Variants in WWOX observed in about 807,000 individuals in gnomAD.
The protein encoded by WWOX is WW domain-containing oxidoreductase.
In WWOX, 69 loss-of-function variants were observed where a neutral mutation model predicts 46.2. That is an observed-to-expected ratio of 1.49 (90% CI 1.23 to 1.82). The LOEUF (loss-of-function observed/expected upper bound fraction) is 1.82. WWOX is among the 40% of genes most tolerant of loss of function. The pLI is 0.00. For missense variants in WWOX, 919 were observed against 542.6 expected (o/e 1.69, Z -6.89); for synonymous variants, 359 against 202.6 (o/e 1.77, Z -6.56).
chr16:78,455,153 A>G (rs1013917246), intron 8 of WWOX, among the ~76,000 whole-genome samples: 12 of 152,178 alleles, frequency 7.9e-5, no homozygotes, highest in Admixed American at 7.2e-4. Context: ...GAGGAGTCAG[A>G]TAAAGTTGCA....
chr16:78,955,669 G>C (rs1016015144), intron 8 of WWOX, among the ~76,000 whole-genome samples: 3 of 139,838 alleles, frequency 2.1e-5, no homozygotes, highest in Admixed American at 1.4e-4. Flanking sequence ...TTTTTGTTTT[G>C]AGACAGGGTC....
intron 6 of WWOX, among the ~76,000 whole-genome samples, chr16:78,396,850 G>C (rs566494954): frequency 6.6e-6 from 1 of 152,276 alleles, no homozygotes; most frequent in Non-Finnish European, 1.5e-5. Flanking sequence ...AAATAACTGG[G>C]TGTGGCTGTG....
chr16:79,114,178 G>A (rs1938804591), intron 8 of WWOX, among the ~76,000 whole-genome samples: 1 of 151,964 alleles, frequency 6.6e-6, no homozygotes, highest in Admixed American at 6.5e-5. Flanking sequence ...ATCTATTATG[G>A]GTTGAATTGC....
intron 8 of WWOX, chr16:78,890,742 C>T (rs548581294): frequency 6.6e-5 from 10 of 152,224 alleles, no homozygotes; most frequent in Non-Finnish European, 1.3e-4. Context: ...CTTCCTCATT[C>T]ACTTTCTGTT....
intron 5 of WWOX, among the ~76,000 whole-genome samples, chr16:78,256,551 C>T (rs1231821463): frequency 6.6e-6 from 1 of 151,818 alleles, no homozygotes; most frequent in East Asian, 2.0e-4. Flanking sequence ...ATGACCCTCT[C>T]CTGGCCTCAA....
intron 8 of WWOX, among the ~76,000 whole-genome samples, chr16:78,703,752 C>T (rs2048275252): frequency 6.6e-6 from 1 of 151,708 alleles, no homozygotes; most frequent in South Asian, 2.1e-4. Context: ...AAATGTGTTT[C>T]CAACTACCTC....
intron 8 of WWOX, among the ~76,000 whole-genome samples, chr16:78,605,745 C>T (rs1212378433): frequency 6.6e-6 from 1 of 152,126 alleles, no homozygotes; most frequent in African/African-American, 2.4e-5. Context: ...GTTATCTTTG[C>T]CCTTCATGGA....
intron 8 of WWOX, among the ~76,000 whole-genome samples, chr16:79,128,842 A>G (rs756485323): frequency 6.6e-6 from 1 of 152,276 alleles, no homozygotes; most frequent in Non-Finnish European, 1.5e-5. Flanking sequence ...AACACTCTGC[A>G]GAGTATGAAG....
intron 5 of WWOX, among the ~76,000 whole-genome samples, chr16:78,346,588 G>C (rs1295692326): frequency 8.3e-6 from 1 of 119,902 alleles, no homozygotes; most frequent in South Asian, 2.5e-4. Context: ...TAAATTTTCT[G>C]TTTGGGTACA....
chr16:78,682,533 C>T (rs559699518), intron 8 of WWOX, among the ~76,000 whole-genome samples: 5 of 152,036 alleles, frequency 3.3e-5, no homozygotes, highest in African/African-American at 9.7e-5. Flanking sequence ...CAACGACTTA[C>T]GATCATGCCA....
chr16:78,224,272 G>A (rs766813413), intron 5 of WWOX, among the ~76,000 whole-genome samples: 13 of 151,976 alleles, frequency 8.6e-5, no homozygotes, highest in Non-Finnish European at 1.8e-4. Flanking sequence ...CAAAGTGCTG[G>A]GATTACAGGT....
chr16:78,730,813 T>C (rs1446589101), intron 8 of WWOX, among the ~76,000 whole-genome samples: 5 of 151,998 alleles, frequency 3.3e-5, no homozygotes, highest in African/African-American at 1.2e-4. Flanking sequence ...CTCTTGTGGC[T>C]TATCACTTGG....
At chr16:78,355,550 C>G (rs866071583) in intron 5 of WWOX, 5 of 420,044 alleles carry the variant, frequency 1.2e-5, no homozygotes, top group African/African-American at 8.6e-5. Context: ...CGTAGACCAG[C>G]AGCAAACTAC....
At chr16:78,285,534 G>A (rs1485781857) in intron 5 of WWOX, among the ~76,000 whole-genome samples, 1 of 152,188 alleles carries the variant, frequency 6.6e-6, no homozygotes, top group Non-Finnish European at 1.5e-5. Context: ...GGATGGCTCA[G>A]CACCAGAACG....
chr16:78,590,979 C>T (rs1343243023), intron 8 of WWOX, among the ~76,000 whole-genome samples: 2 of 152,090 alleles, frequency 1.3e-5, no homozygotes, highest in African/African-American at 4.8e-5. Context: ...GGTTGAGATG[C>T]TCTGGGGTAC....
At chr16:78,633,581 A>T (rs1171795653) in intron 8 of WWOX, among the ~76,000 whole-genome samples, 1 of 152,232 alleles carries the variant, frequency 6.6e-6, no homozygotes. Flanking sequence ...GTACGCTGGC[A>T]GGCCTCTGGC....
intron 8 of WWOX, among the ~76,000 whole-genome samples, chr16:79,010,361 G>T (rs933083745): frequency 1.3e-5 from 2 of 152,090 alleles, no homozygotes; most frequent in African/African-American, 4.8e-5. Context: ...TAACTCAGTG[G>T]CAGCTTCAGA....
chr16:78,458,945 A>T (rs1440677022), intron 8 of WWOX, among the ~76,000 whole-genome samples: 2 of 152,218 alleles, frequency 1.3e-5, no homozygotes, highest in Non-Finnish European at 2.9e-5. Flanking sequence ...GTGTCACCTC[A>T]GCATTTAATT....
chr16:78,438,498 C>A (rs1054691405), intron 8 of WWOX, among the ~76,000 whole-genome samples: 1 of 151,858 alleles, frequency 6.6e-6, no homozygotes, highest in East Asian at 1.9e-4. Flanking sequence ...CTGGTAAATA[C>A]ATCCTTGCCA....
Sources: gnomAD v4.1 joint callset for allele counts (sites outside exome capture counted in the v4.1 genomes callset) on GRCh38, gnomAD v4.1.1 for gene constraint, MANE v1.5 for transcripts, NCBI Gene and HGNC (gene_info 2026-07-23, HGNC 2026-07-21) for gene names.